Variants in AQR observed in about 807,000 individuals in gnomAD.
AQR encodes aquarius intron-binding spliceosomal factor.
A neutral mutation model predicts 180.5 loss-of-function variants in AQR; 61 were observed. The observed-to-expected ratio is 0.34, with a 90% CI of 0.28 to 0.42. The LOEUF is 0.42. AQR is among the 10% of genes least tolerant of loss of function. The pLI, the probability that AQR is intolerant of heterozygous loss-of-function variation, is 1.00. For missense variants in AQR, 1,281 were observed against 1,798.3 expected, an observed-to-expected ratio of 0.71 and a Z score of 5.20; for synonymous variants, 551 against 588.8, an observed-to-expected ratio of 0.94 and a Z score of 0.93.
intron 13 of AQR, among the ~76,000 whole-genome samples, chr15:34,925,099 T>A (rs1474299611): frequency 6.6e-6 from 1 of 151,944 alleles, no homozygotes; most frequent in African/African-American, 2.4e-5. Context: ...AAAGTTAAAC[T>A]GAAAGAAAAT....
intron 13 of AQR, among the ~76,000 whole-genome samples, chr15:34,920,960 AAAT>A (rs1893675160): frequency 6.6e-6 from 1 of 152,112 alleles, no homozygotes; most frequent in Non-Finnish European, 1.5e-5. Flanking sequence ...TCCGTCTCAA[AAAT>A]AATAACAATA....
chr15:34,938,651 AAC>A, intron 9 of AQR, 84 bp downstream of exon 9: 1 of 850,848 alleles, frequency 1.2e-6, no homozygotes, highest in Non-Finnish European at 1.9e-6. Flanking sequence ...TCATTCCAAG[AAC>A]AGTTTTTAGA....
At chr15:34,946,849 C>A (rs1156766035) in intron 5 of AQR, among the ~76,000 whole-genome samples, 1 of 149,350 alleles carries the variant, frequency 6.7e-6, no homozygotes, top group African/African-American at 2.5e-5. Flanking sequence ...GTGAGGAGCC[C>A]CTCTGCCCAG....
rs972362438 is a variant in AQR at position 34,855,560 on chromosome 15, C to A, written c.*1232G>T. ...TTTTTTTTTTTTTTCCAGTTCTGGG[C>A]ACCATGCCCAGGGACCTTGTAAGCA... On this transcript the variant is annotated 3_prime_UTR_variant, in exon 35 of 35. Coordinates refer to ENST00000156471, the MANE Select transcript of AQR (RefSeq NM_014691.3). The A allele has an allele frequency of 1.3e-5, 2 of 150,532 alleles. No individual in the cohort carries two copies. The highest frequency in any genetic ancestry group is 2.9e-5 in the Non-Finnish European group (2 of 67,848). 9.3% of individuals were successfully genotyped at this position (150,532 alleles called of 1,614,324 possible). A position where few individuals can be genotyped will look rare whatever the true frequency, so the allele number is the denominator to read the frequency against.
intron 13 of AQR, among the ~76,000 whole-genome samples, chr15:34,920,950 T>G (rs2140486618): frequency 6.6e-6 from 1 of 152,124 alleles, no homozygotes; most frequent in African/African-American, 2.4e-5. Flanking sequence ...AAAGCGAGAC[T>G]CCGTCTCAAA....
At chr15:34,946,227 C>G (rs951037465) in intron 5 of AQR, among the ~76,000 whole-genome samples, 1 of 152,166 alleles carries the variant, frequency 6.6e-6, no homozygotes, top group South Asian at 2.1e-4. Flanking sequence ...GCTGAGATCA[C>G]GCCATTTGCA....
Position 34,900,797 on chromosome 15 carries a change from T to C in AQR, c.2068A>G (p.Ile690Val). The C allele has an allele frequency of 6.2e-7, 1 of 1,614,158 alleles. No individual in the cohort carries two copies. Among genetic ancestry groups the C allele is most frequent in the Non-Finnish European group, 8.5e-7 (1 of 1,179,978 alleles). ...CTTGGGTCCCCATAACCTAAAATGA[T>C]ATCGTGCAGCCAGTCAGGTACCACA... Reference protein sequence around the residue: ...DCVVPDWLHDIILGYGDPSSA... With the variant: ...DCVVPDWLHDVILGYGDPSSA... The change falls in exon 20 of 35, where the codon ATC becomes GTC. Residue 690 changes from isoleucine to valine, a missense_variant. Ile to Val is a conservative substitution (Grantham distance 29, BLOSUM62 3). Around this residue, in one of 9 missense-constraint regions of AQR, gnomAD observed 28 missense variants for 75.3 expected, o/e 0.37. Transcript: ENST00000156471.
intron 16 of AQR, among the ~76,000 whole-genome samples, chr15:34,910,723 T>C (rs1339626963): frequency 6.6e-6 from 1 of 152,216 alleles, no homozygotes; most frequent in Non-Finnish European, 1.5e-5. Context: ...TGTATATAGT[T>C]AAGGAATACA....
At chr15:34,882,152 G>C (rs1892980589) in intron 27 of AQR, among the ~76,000 whole-genome samples, 1 of 151,786 alleles carries the variant, frequency 6.6e-6, no homozygotes, top group Non-Finnish European at 1.5e-5. Context: ...CTTCTGTTTG[G>C]AGATATTTTT....
chr15:34,858,336 A>G (rs1442790021), intron 34 of AQR, among the ~76,000 whole-genome samples: 1 of 151,336 alleles, frequency 6.6e-6, no homozygotes, highest in Non-Finnish European at 1.5e-5. Flanking sequence ...AAAAAAAAAA[A>G]AAAAAGAAAA....
rs1178777471 is a variant in AQR at position 34,961,612 on chromosome 15, C to CAAAA, written c.133-802_133-799dup. ...CTGGTGATAGAGCGAGACTCCATCT[C>CAAAA]AAAAAAAAAAAAAAAAAAAAAAGAA... is the stretch of plus-strand genomic sequence containing the variant. On this transcript the variant is annotated intron_variant, in intron 2 of 34. Transcript: ENST00000156471. Among the ~76,000 whole-genome samples the CAAAA allele has an allele frequency of 6.3e-4, 17 of 26,826 alleles. 1 individual carries two copies. The highest frequency in any genetic ancestry group is 1.7e-3 in the African/African-American group (11 of 6,444). The allele number at this position is 26,826 out of a possible 152,430, so 17.6% of individuals were successfully genotyped here.
rs549837615 is a variant in AQR at position 34,854,501 on chromosome 15, G to A, written c.*2291C>T. 1 of 152,294 alleles carries A rather than the reference G, an allele frequency of 6.6e-6. No individual in the cohort carries two copies. Among genetic ancestry groups the A allele is most frequent in the East Asian group, 1.9e-4 (1 of 5,182 alleles). 9.4% of individuals were successfully genotyped at this position (152,294 alleles called of 1,614,324 possible). ...CTTCCATAGTTGCCACCCTGGTTAA[G>A]TCTCTCTGATTGTTTCCTCATTATT... On this transcript the variant is annotated 3_prime_UTR_variant, in exon 35 of 35. Transcript: ENST00000156471.
chr15:34,924,792 T>C (rs1451451675), intron 13 of AQR, among the ~76,000 whole-genome samples: 1 of 152,052 alleles, frequency 6.6e-6, no homozygotes, highest in Non-Finnish European at 1.5e-5. Context: ...TTATTTCTAC[T>C]ATAGTGAATA....
chr15:34,908,540 G>C (rs1346347747), intron 17 of AQR, among the ~76,000 whole-genome samples: 4 of 152,094 alleles, frequency 2.6e-5, no homozygotes, highest in African/African-American at 2.4e-5. Flanking sequence ...TTTTGGCCCA[G>C]GCCTCCCATA....
intron 27 of AQR, among the ~76,000 whole-genome samples, chr15:34,881,130 CTTG>C (rs1453254581): frequency 1.3e-5 from 2 of 152,100 alleles, no homozygotes; most frequent in African/African-American, 4.8e-5. Context: ...ATTATTTTCC[CTTG>C]TTATTAAGCT....
chr15:34,883,845 GTTCCCA>G (rs2140467930), intron 26 of AQR, among the ~76,000 whole-genome samples: 1 of 152,294 alleles, frequency 6.6e-6, no homozygotes, highest in South Asian at 2.1e-4. Flanking sequence ...CATATTCTCT[GTTCCCA>G]TTGTGTAGCT....
chr15:34,878,039 T>A (rs755715187), intron 27 of AQR, among the ~76,000 whole-genome samples: 1 of 152,190 alleles, frequency 6.6e-6, no homozygotes, highest in Non-Finnish European at 1.5e-5. Flanking sequence ...TGTAACTGAT[T>A]ACCTGCGACT....
chr15:34,891,481 C>T (rs1039382471), intron 23 of AQR, among the ~76,000 whole-genome samples: 2 of 152,088 alleles, frequency 1.3e-5, no homozygotes, highest in East Asian at 1.9e-4. Context: ...ACAATCAATT[C>T]GATGGGCATC....
chr15:34,958,576 A>AAT (rs1298808074), intron 3 of AQR, among the ~76,000 whole-genome samples: 2 of 152,218 alleles, frequency 1.3e-5, no homozygotes, highest in Non-Finnish European at 2.9e-5. Flanking sequence ...AAAGCAGCCA[A>AAT]ATGTATATGG....
Sources: gnomAD v4.1 joint callset for allele counts (sites outside exome capture counted in the v4.1 genomes callset) on GRCh38, gnomAD v4.1.1 for gene constraint, gnomAD v4.1.1 regional missense constraint, MANE v1.5 for transcripts, NCBI Gene and HGNC (gene_info 2026-07-23, HGNC 2026-07-21) for gene names.